Variants in SUGCT observed in about 807,000 individuals in gnomAD.
SUGCT encodes the protein succinyl-CoA:glutarate CoA-transferase.
A neutral mutation model predicts 55.0 loss-of-function variants in SUGCT; 41 were observed. That is an observed-to-expected ratio of 0.74 (90% CI 0.58 to 0.97). The LOEUF (loss-of-function observed/expected upper bound fraction) is 0.97. Ranked by LOEUF, SUGCT falls within the 50% of genes least tolerant of loss-of-function variation. The pLI, the probability that SUGCT is intolerant of heterozygous loss-of-function variation, is 0.00. For missense variants in SUGCT, 568 were observed against 547.8 expected, an observed-to-expected ratio of 1.04 and a Z score of -0.37; for synonymous variants, 187 against 200.4, an observed-to-expected ratio of 0.93 and a Z score of 0.56.
At chr7:40,880,574 T>C in the SUGCT span, among the ~76,000 whole-genome samples, 1 of 152,222 alleles carries the variant, frequency 6.6e-6, no homozygotes, top group Non-Finnish European at 1.5e-5. Context: ...GTAAAAGTAA[T>C]AAAAAGTTAT....
intron 13 of SUGCT, among the ~76,000 whole-genome samples, chr7:40,788,269 T>A (rs901577311): frequency 6.6e-6 from 1 of 152,168 alleles, no homozygotes; most frequent in African/African-American, 2.4e-5. Context: ...GGAGGCTTCC[T>A]AAGACAGAAG....
chr7:40,366,651 G>T (rs201195478), intron 9 of SUGCT, among the ~76,000 whole-genome samples: 1 of 152,004 alleles, frequency 6.6e-6, no homozygotes, highest in Admixed American at 6.6e-5. Flanking sequence ...GCAGCCAAAA[G>T]ACACATGAAA....
At chr7:40,582,650 A>G (rs544677376) in intron 12 of SUGCT, among the ~76,000 whole-genome samples, 2 of 152,234 alleles carry the variant, frequency 1.3e-5, no homozygotes, top group African/African-American at 2.4e-5. Context: ...TGCAGCTTCA[A>G]ACATCCTCAT....
intron 13 of SUGCT, among the ~76,000 whole-genome samples, chr7:40,813,772 G>A (rs1276132871): frequency 6.6e-6 from 1 of 152,084 alleles, no homozygotes; most frequent in Non-Finnish European, 1.5e-5. Context: ...ATTGTTAGTT[G>A]GTTGCTTTGT....
intron 9 of SUGCT, among the ~76,000 whole-genome samples, chr7:40,335,881 G>A (rs1796666788): frequency 1.3e-5 from 2 of 152,010 alleles, no homozygotes; most frequent in Admixed American, 6.6e-5. Context: ...ATTGGCTGTG[G>A]GTTTGTCATA....
At chr7:40,155,763 A>G (rs193069214) in intron 1 of SUGCT, among the ~76,000 whole-genome samples, 1 of 152,282 alleles carries the variant, frequency 6.6e-6, no homozygotes, top group East Asian at 1.9e-4. Context: ...TAATGCAAGT[A>G]AGGGTAACAA....
the SUGCT span, among the ~76,000 whole-genome samples, chr7:40,957,395 A>G: frequency 1.2e-4 from 16 of 132,568 alleles, no homozygotes; most frequent in Non-Finnish European, 2.3e-4. Flanking sequence ...GTCTTTTTTG[A>G]TCTTTGTTGG....
intron 12 of SUGCT, among the ~76,000 whole-genome samples, chr7:40,537,792 A>AT (rs1233079218): frequency 6.6e-6 from 1 of 152,152 alleles, no homozygotes; most frequent in Non-Finnish European, 1.5e-5. Context: ...TCCTGAAGCG[A>AT]TTTTTTTAAG....
chr7:40,611,198 A>G (rs1798754226), intron 12 of SUGCT, among the ~76,000 whole-genome samples: 1 of 152,170 alleles, frequency 6.6e-6, no homozygotes, highest in Non-Finnish European at 1.5e-5. Context: ...GGTATATTTC[A>G]TTTTCCAACA....
At chr7:40,532,120 T>A (rs188439300) in intron 12 of SUGCT, among the ~76,000 whole-genome samples, 74 of 152,344 alleles carry the variant, frequency 4.9e-4, no homozygotes, top group African/African-American at 1.7e-3. Flanking sequence ...AAGGTTGGTC[T>A]CATACAGATG....
intron 9 of SUGCT, among the ~76,000 whole-genome samples, chr7:40,344,758 T>A (rs1797225134): frequency 6.6e-6 from 1 of 152,202 alleles, no homozygotes; most frequent in South Asian, 2.1e-4. Flanking sequence ...CTCAGAGATT[T>A]TGCTTGAATT....
At chr7:40,268,793 C>T (rs1430341485) in intron 7 of SUGCT, among the ~76,000 whole-genome samples, 5 of 152,044 alleles carry the variant, frequency 3.3e-5, no homozygotes, top group Non-Finnish European at 5.9e-5. Flanking sequence ...CGTGCACCAC[C>T]GTGCCCGGTT....
At chr7:40,586,025 C>T (rs2151722145) in intron 12 of SUGCT, among the ~76,000 whole-genome samples, 1 of 152,120 alleles carries the variant, frequency 6.6e-6, no homozygotes, top group African/African-American at 2.4e-5. Flanking sequence ...TTTTACCTGC[C>T]AGACCTTGGT....
the SUGCT span, among the ~76,000 whole-genome samples, chr7:41,011,534 C>T: frequency 2.0e-5 from 3 of 152,232 alleles, no homozygotes; most frequent in Non-Finnish European, 4.4e-5. Flanking sequence ...TGCAGAAACT[C>T]AGACCATACC....
chr7:40,811,257 G>C (rs568438171), intron 13 of SUGCT, among the ~76,000 whole-genome samples: 2 of 152,002 alleles, frequency 1.3e-5, no homozygotes, highest in African/African-American at 4.8e-5. Flanking sequence ...GCTCTTTTTT[G>C]GTTCCATATG....
chr7:40,879,759 C>T, the SUGCT span, among the ~76,000 whole-genome samples: 1 of 152,182 alleles, frequency 6.6e-6, no homozygotes, highest in Non-Finnish European at 1.5e-5. Flanking sequence ...GACCACAGTG[C>T]ACACTGTCTG....
rs551893304 is a variant in SUGCT, at chr7:40,295,009, G to A, written c.720+20353G>A. Reference sequence around the variant, plus strand: ...CAGAAACTGTGTTTTATTAGTGTACGTGCAAATCATTTACACAAATGATTG... The same window carrying A: ...CAGAAACTGTGTTTTATTAGTGTACATGCAAATCATTTACACAAATGATTG... On this transcript the variant is annotated intron_variant, in intron 8 of 13. Coordinates refer to ENST00000335693, the MANE Select transcript of SUGCT (RefSeq NM_001193313.2). 2.6e-5 allele frequency among the ~76,000 whole-genome samples: 4 copies of A among 152,262 alleles called. No homozygotes were observed. The East Asian group carries it at 5.8e-4, about 22-fold the overall frequency.
chr7:40,479,538 CTG>C (rs773136939), intron 11 of SUGCT, among the ~76,000 whole-genome samples: 31 of 152,120 alleles, frequency 2.0e-4, no homozygotes, highest in Non-Finnish European at 4.0e-4. Context: ...TGATGTATGA[CTG>C]TATACCTAGA....
chr7:40,424,012 GA>G (rs931828487), intron 9 of SUGCT, among the ~76,000 whole-genome samples: 13 of 150,926 alleles, frequency 8.6e-5, no homozygotes, highest in Middle Eastern at 3.4e-3. Flanking sequence ...TTTTCAATAA[GA>G]AAAAAAAAGT....
Sources: allele counts gnomAD v4.1 joint callset (sites outside exome capture counted in the v4.1 genomes callset), GRCh38; gene constraint gnomAD v4.1.1; transcripts MANE v1.5; gene names NCBI Gene and HGNC (gene_info 2026-07-23, HGNC 2026-07-21).